Variants in EEFSEC observed in about 807,000 individuals in gnomAD.
EEFSEC encodes eukaryotic elongation factor, selenocysteine-tRNA specific.
A neutral mutation model predicts 42.1 loss-of-function variants in EEFSEC; 43 were observed. The observed-to-expected ratio is 1.02, with a 90% CI of 0.80 to 1.32. The LOEUF (loss-of-function observed/expected upper bound fraction) is 1.32, where lower values mean the gene tolerates loss of function less well. Among genes scored for constraint, EEFSEC ranks in the 40% most tolerant of loss-of-function variants. The pLI, the probability that EEFSEC is intolerant of heterozygous loss-of-function variation, is 0.00. For synonymous variants in EEFSEC, 354 were observed against 339.1 expected (o/e 1.04, Z -0.48); for missense variants, 745 against 803.6 (o/e 0.93, Z 0.88).
intron 6 of EEFSEC, among the ~76,000 whole-genome samples, chr3:128,363,467 C>T (rs1272694367): frequency 6.6e-6 from 1 of 152,334 alleles, no homozygotes; most frequent in East Asian, 1.9e-4. Context: ...ATCTCCCTTC[C>T]TCAGGGTATG....
At chr3:128,251,649 A>AT (rs199539823) in intron 2 of EEFSEC, among the ~76,000 whole-genome samples, 18 of 151,390 alleles carry the variant, frequency 1.2e-4, no homozygotes, top group Admixed American at 2.0e-4. Context: ...TGCAATTTTA[A>AT]TTTTTTTTTA....
intron 1 of EEFSEC, among the ~76,000 whole-genome samples, chr3:128,231,850 G>A (rs1412934840): frequency 2.0e-5 from 3 of 152,092 alleles, no homozygotes; most frequent in South Asian, 2.1e-4. Context: ...TATCTCCCCC[G>A]ACTCCCCCAG....
At chr3:128,325,908 T>C (rs1380763846) in intron 4 of EEFSEC, among the ~76,000 whole-genome samples, 1 of 152,254 alleles carries the variant, frequency 6.6e-6, no homozygotes, top group East Asian at 1.9e-4. Context: ...ATCTTTTGCC[T>C]ATCCTAAATA....
At chr3:128,313,359 T>A (rs1005884531) in intron 4 of EEFSEC, among the ~76,000 whole-genome samples, 11 of 152,278 alleles carry the variant, frequency 7.2e-5, no homozygotes, top group Admixed American at 2.0e-4. Context: ...GTTGCACTCA[T>A]GTTTCTGGTC....
intron 5 of EEFSEC, among the ~76,000 whole-genome samples, chr3:128,357,007 C>T (rs1009606433): frequency 5.3e-5 from 8 of 152,260 alleles, no homozygotes; most frequent in African/African-American, 1.9e-4. Context: ...CCAGCAAGCA[C>T]ATCAGCGGGA....
At chr3:128,395,283 C>T (rs1031519203) in intron 6 of EEFSEC, among the ~76,000 whole-genome samples, 4 of 152,210 alleles carry the variant, frequency 2.6e-5, no homozygotes, top group Non-Finnish European at 5.9e-5. Flanking sequence ...CCCAGACCCT[C>T]AGCCAGGGCC....
intron 6 of EEFSEC, among the ~76,000 whole-genome samples, chr3:128,402,974 A>G (rs2068065267): frequency 6.6e-6 from 1 of 152,210 alleles, no homozygotes; most frequent in East Asian, 1.9e-4. Flanking sequence ...AACAAACCCA[A>G]AACAAGGACA....
chr3:128,187,320 T>C (rs2107798597), intron 1 of EEFSEC, among the ~76,000 whole-genome samples: 1 of 152,280 alleles, frequency 6.6e-6, no homozygotes, highest in Non-Finnish European at 1.5e-5. Context: ...GCAGGGACAC[T>C]AGGAGTTCTG....
At chr3:128,424,752 C>G in the EEFSEC span, among the ~76,000 whole-genome samples, 2 of 152,112 alleles carry the variant, frequency 1.3e-5, no homozygotes, top group African/African-American at 4.8e-5. Context: ...TACAGTGAAC[C>G]CCATGTGTCC....
intron 6 of EEFSEC, among the ~76,000 whole-genome samples, chr3:128,388,243 C>G (rs1303793468): frequency 1.3e-5 from 2 of 152,212 alleles, no homozygotes; most frequent in African/African-American, 4.8e-5. Flanking sequence ...GGGGTCCAGC[C>G]CTGTTGGCAG....
the EEFSEC span, among the ~76,000 whole-genome samples, chr3:128,425,561 C>G: frequency 6.6e-6 from 1 of 152,352 alleles, no homozygotes; most frequent in Non-Finnish European, 1.5e-5. Flanking sequence ...TTTACTGCCA[C>G]GCGGTTTCCC....
In EEFSEC at chr3:128,408,083, G is replaced by A. The variant is rs141803708; in HGVS notation, c.1615G>A (p.Glu539Lys). The A allele has an allele frequency of 6.6e-4, 1,043 of 1,581,428 alleles. 1 individual carries two copies. The highest frequency in any genetic ancestry group is 8.5e-4 in the Non-Finnish European group (984 of 1,163,988). Residue 539 changes from glutamate (E) to lysine (K), a missense_variant, in exon 7 of 7, where the codon GAG (glutamate) becomes AAG (lysine). By Grantham distance (56) the Glu-to-Lys change is moderately conservative (BLOSUM62 1). Coordinates refer to ENST00000254730, the MANE Select transcript of EEFSEC (RefSeq NM_021937.5). ...GTGCCTTGCAGGTGGCCTCAGCCCC[G>A]AGTCCAAGAAGATCCTGACACCCGC... is the stretch of plus-strand genomic sequence containing the variant. ...KIHIPGGLSP[E>K]SKKILTPALK...
chr3:128,311,588 C>T (rs767241409), intron 4 of EEFSEC, among the ~76,000 whole-genome samples: 14 of 152,226 alleles, frequency 9.2e-5, no homozygotes, highest in African/African-American at 3.4e-4. Flanking sequence ...TTCAGGCCCA[C>T]GGAGCTAGTT....
intron 6 of EEFSEC, among the ~76,000 whole-genome samples, chr3:128,380,882 C>T (rs549590712): frequency 1.2e-4 from 18 of 152,316 alleles, no homozygotes; most frequent in East Asian, 3.9e-4. Context: ...CCAATGGTGC[C>T]GGCCTCTCCC....
intron 4 of EEFSEC, among the ~76,000 whole-genome samples, chr3:128,323,947 C>T (rs2811422): frequency 6.6e-6 from 1 of 152,218 alleles, no homozygotes; most frequent in Non-Finnish European, 1.5e-5. Context: ...CAGGGGCTCC[C>T]TCAGCTGAGG....
chr3:128,420,927 G>A, the EEFSEC span, among the ~76,000 whole-genome samples: 8 of 152,208 alleles, frequency 5.3e-5, no homozygotes, highest in South Asian at 4.1e-4. Flanking sequence ...GCACCTGTCC[G>A]GGACCTGCCA....
intron 6 of EEFSEC, among the ~76,000 whole-genome samples, chr3:128,360,592 C>T (rs1055298649): frequency 6.6e-6 from 1 of 152,088 alleles, no homozygotes; most frequent in African/African-American, 2.4e-5. Context: ...ATTCCCAGGG[C>T]AGGCAAGAAC....
intron 2 of EEFSEC, among the ~76,000 whole-genome samples, chr3:128,261,333 G>T (rs1369859746): frequency 6.6e-6 from 1 of 152,182 alleles, no homozygotes; most frequent in African/African-American, 2.4e-5. Context: ...TCACATTATA[G>T]GCTTGGCTCA....
chr3:128,177,881 G>A (rs1299070370), intron 1 of EEFSEC, among the ~76,000 whole-genome samples: 3 of 152,152 alleles, frequency 2.0e-5, no homozygotes, highest in Non-Finnish European at 4.4e-5. Flanking sequence ...AGGAGATGAC[G>A]TGTGGCACAT....
Sources: allele counts gnomAD v4.1 joint callset (sites outside exome capture counted in the v4.1 genomes callset), GRCh38; gene constraint gnomAD v4.1.1; transcripts MANE v1.5; gene names NCBI Gene and HGNC (gene_info 2026-07-23, HGNC 2026-07-21).